SGCZ: variants seen among roughly 807,000 people sequenced by gnomAD.
The protein encoded by SGCZ is sarcoglycan zeta.
Under a neutral mutation model 41.3 loss-of-function variants are expected in SGCZ, and 40 were observed. That is an observed-to-expected ratio of 0.97 (90% confidence interval 0.75 to 1.26). SGCZ has a LOEUF of 1.26. Among genes scored for constraint, SGCZ ranks in the 50% most tolerant of loss-of-function variants. The pLI, the probability that SGCZ is intolerant of heterozygous loss-of-function variation, is 0.00. For synonymous variants in SGCZ, 206 were observed against 137.5 expected (o/e 1.50, Z -3.49); for missense variants, 552 against 369.8 (o/e 1.49, Z -4.04).
chr8:14,705,789 T>A (rs1809313563), intron 1 of SGCZ, among the ~76,000 whole-genome samples: 1 of 152,060 alleles, frequency 6.6e-6, no homozygotes, highest in Non-Finnish European at 1.5e-5. Context: ...TAATTCGGCA[T>A]AAGGCCAATA....
intron 1 of SGCZ, among the ~76,000 whole-genome samples, chr8:14,841,641 T>C (rs965985888): frequency 1.3e-5 from 2 of 152,174 alleles, no homozygotes; most frequent in Non-Finnish European, 2.9e-5. Flanking sequence ...ATTATGTCGA[T>C]GGCCAAGAGT....
At chr8:14,665,920 T>A (rs973944712) in intron 1 of SGCZ, among the ~76,000 whole-genome samples, 1 of 152,168 alleles carries the variant, frequency 6.6e-6, no homozygotes, top group African/African-American at 2.4e-5. Flanking sequence ...TTTTAGTAAA[T>A]TTAAACTTCA....
intron 1 of SGCZ, among the ~76,000 whole-genome samples, chr8:14,807,104 C>G (rs1210942482): frequency 6.6e-6 from 1 of 151,798 alleles, no homozygotes; most frequent in Non-Finnish European, 1.5e-5. Flanking sequence ...CTATCTATGA[C>G]AAACCCACAG....
At chr8:14,888,633 G>GA (rs1159405825) in intron 1 of SGCZ, among the ~76,000 whole-genome samples, 1 of 152,036 alleles carries the variant, frequency 6.6e-6, no homozygotes, top group Non-Finnish European at 1.5e-5. Flanking sequence ...AGAAAATATT[G>GA]ACTCCTTTCA....
At chr8:14,348,661 G>A (rs1802976385) in intron 2 of SGCZ, among the ~76,000 whole-genome samples, 1 of 152,030 alleles carries the variant, frequency 6.6e-6, no homozygotes, top group African/African-American at 2.4e-5. Flanking sequence ...ATTCTCCCAA[G>A]GAACGCACAT....
rs184197217 is a variant in SGCZ at position 14,087,545 on chromosome 8, C to T, written c.*2898G>A. Among the ~76,000 whole-genome samples, 90 of 151,470 alleles carry T rather than the reference C, an allele frequency of 5.9e-4. 1 individual carries two copies. In the East Asian group the frequency reaches 0.014, roughly 23 times the overall value. On this transcript the variant is annotated 3_prime_UTR_variant, in exon 8 of 8. Coordinates refer to ENST00000382080, the MANE Select transcript of SGCZ (RefSeq NM_139167.4). ...GATACGGGTAATAAGATAGCTTAGTCGCATCCATGTAGTACACTATAAAGG... is the reference window on the plus strand; with the variant it reads ...GATACGGGTAATAAGATAGCTTAGTTGCATCCATGTAGTACACTATAAAGG...
chr8:14,602,069 G>T (rs186691392), intron 1 of SGCZ, among the ~76,000 whole-genome samples: 2,923 of 152,092 alleles, frequency 0.019, 39 homozygotes, highest in Non-Finnish European at 0.028. Context: ...GCAGTGAGCC[G>T]AGATTGCGCC....
At chr8:15,022,735 A>G (rs1803302846) in intron 1 of SGCZ, among the ~76,000 whole-genome samples, 1 of 152,252 alleles carries the variant, frequency 6.6e-6, no homozygotes, top group Non-Finnish European at 1.5e-5. Context: ...AAAACATGGC[A>G]ATAGTAATAA....
Position 14,811,872 on chromosome 8 carries a change from G to A in SGCZ, c.40-256946C>T, listed in dbSNP as rs887631139. Among the ~76,000 whole-genome samples, 5 of 151,952 alleles carry A rather than the reference G, an allele frequency of 3.3e-5. No individual in the cohort carries two copies. The South Asian group carries it at 1.0e-3, about 32-fold the overall frequency. ...TTAGTGGAACCACAAAGATATCACT[G>A]CTTTTATTTCAATTATATATAAGCA... On this transcript the variant is annotated intron_variant, in intron 1 of 7. Transcript: ENST00000382080.
chr8:14,352,712 T>C (rs1252379395), intron 2 of SGCZ, among the ~76,000 whole-genome samples: 4 of 152,042 alleles, frequency 2.6e-5, no homozygotes, highest in African/African-American at 9.7e-5. Flanking sequence ...CTAGGGCAAA[T>C]TCTGAAAAAT....
At chr8:14,861,422 A>C (rs1803742919) in intron 1 of SGCZ, among the ~76,000 whole-genome samples, 1 of 152,146 alleles carries the variant, frequency 6.6e-6, no homozygotes, top group Non-Finnish European at 1.5e-5. Flanking sequence ...TCTTGTAAGA[A>C]TGAAATGCGT....
At chr8:14,321,027 C>A (rs766969965) in intron 3 of SGCZ, among the ~76,000 whole-genome samples, 20 of 151,982 alleles carry the variant, frequency 1.3e-4, no homozygotes, top group Admixed American at 6.6e-5. Context: ...GTCCTAAATT[C>A]CCGATATTTG....
intron 1 of SGCZ, among the ~76,000 whole-genome samples, chr8:14,833,914 G>C (rs1422655158): frequency 6.6e-6 from 1 of 152,144 alleles, no homozygotes; most frequent in Non-Finnish European, 1.5e-5. Flanking sequence ...CAGTTTGGAG[G>C]GGAGAAGGTG....
intron 1 of SGCZ, among the ~76,000 whole-genome samples, chr8:15,061,292 C>G (rs1289229033): frequency 6.6e-6 from 1 of 150,456 alleles, no homozygotes; most frequent in Non-Finnish European, 1.5e-5. Flanking sequence ...AACAGAAAAC[C>G]AAACACCACA....
chr8:14,974,407 G>A (rs964941475), intron 1 of SGCZ, among the ~76,000 whole-genome samples: 5 of 152,152 alleles, frequency 3.3e-5, no homozygotes, highest in African/African-American at 1.2e-4. Context: ...AAATTAGCAT[G>A]TGATACCTGC....
chr8:15,145,697 A>G (rs1297901005), intron 1 of SGCZ, among the ~76,000 whole-genome samples: 1 of 152,094 alleles, frequency 6.6e-6, no homozygotes, highest in Non-Finnish European at 1.5e-5. Context: ...TCAAGTAATC[A>G]TCCAACCTCA....
intron 1 of SGCZ, among the ~76,000 whole-genome samples, chr8:14,659,508 G>C (rs1401993569): frequency 1.3e-5 from 2 of 152,074 alleles, no homozygotes; most frequent in African/African-American, 2.4e-5. Flanking sequence ...ACAAGGACCA[G>C]AACAATTACA....
chr8:14,807,830 G>A (rs568818337), intron 1 of SGCZ, among the ~76,000 whole-genome samples: 2 of 152,194 alleles, frequency 1.3e-5, no homozygotes, highest in East Asian at 1.9e-4. Context: ...ACTTCAAACT[G>A]TACTACAAGG....
chr8:14,679,471 G>GT (rs1326188212), intron 1 of SGCZ, among the ~76,000 whole-genome samples: 2 of 150,908 alleles, frequency 1.3e-5, no homozygotes, highest in African/African-American at 4.9e-5. Context: ...TCGTGTATTA[G>GT]TTTTTATCAA....
Sources: gnomAD v4.1 joint callset for allele counts (sites outside exome capture counted in the v4.1 genomes callset) on GRCh38, gnomAD v4.1.1 for gene constraint, MANE v1.5 for transcripts, NCBI Gene and HGNC (gene_info 2026-07-23, HGNC 2026-07-21) for gene names.